The following HACE1 variants were observed in gnomAD, a reference collection of about 807,000 sequenced individuals.
HACE1 encodes the protein E3 ubiquitin-protein ligase HACE1.
A neutral mutation model predicts 118.4 loss-of-function variants in HACE1; 73 were observed. That is an observed-to-expected ratio of 0.62 (90% CI 0.51 to 0.75). HACE1 has a LOEUF of 0.75. Among genes scored for constraint, HACE1 ranks in the 30% least tolerant of loss-of-function variants. HACE1 has a pLI of 0.00. For missense variants in HACE1, 749 were observed against 1,102.2 expected (o/e 0.68, Z 4.54); for synonymous variants, 368 against 374.8 (o/e 0.98, Z 0.21).
At chr6:104,761,870 C>T (rs1779395910) in intron 19 of HACE1, among the ~76,000 whole-genome samples, 1 of 152,024 alleles carries the variant, frequency 6.6e-6, no homozygotes, top group Non-Finnish European at 1.5e-5. Context: ...CAAACAACCC[C>T]ATCAAAAAAT....
At position 104,771,099 on chromosome 6, in the gene HACE1, G is replaced by GT. The variant is rs1177251531; in HGVS notation, c.2211+93dup. 6 of 873,114 alleles carry GT rather than the reference G, an allele frequency of 6.9e-6. No homozygotes were observed. In the African/African-American group the frequency reaches 1.0e-4, roughly 15 times the overall value. The allele number at this position is 873,114 out of a possible 1,614,324, so 54.1% of individuals were successfully genotyped here. ...CTGCTATGATACTGTAATAGTAAAA[G>GT]TTTTTCTACAAGTGCCAGAAGAATT... On this transcript the variant is annotated intron_variant, in intron 19 of 23. Transcript: ENST00000262903.
chr6:104,777,112 T>C lies in HACE1; in HGVS notation c.1679-2A>G. 1 of 1,597,446 alleles carries C rather than the reference T, an allele frequency of 6.3e-7. No individual in the cohort carries two copies. The highest frequency in any genetic ancestry group is 8.6e-7 in the Non-Finnish European group (1 of 1,164,946). ...CACAGCTACTCCTAAAAATAGAATCTAAATATGTAGCATTGGTTAATTTTA... is the reference window on the plus strand; with the variant it reads ...CACAGCTACTCCTAAAAATAGAATCCAAATATGTAGCATTGGTTAATTTTA... On this transcript the variant is annotated splice_acceptor_variant, in intron 15 of 23. Transcript: ENST00000262903. LOFTEE classifies it high-confidence loss of function.
chr6:104,733,585 G>A (rs955470454), intron 22 of HACE1, among the ~76,000 whole-genome samples: 4 of 152,186 alleles, frequency 2.6e-5, no homozygotes, highest in Non-Finnish European at 5.9e-5. Flanking sequence ...AGGCGCGGTG[G>A]CTCACGCCTG....
intron 6 of HACE1, among the ~76,000 whole-genome samples, chr6:104,827,995 T>C (rs1297672500): frequency 1.3e-5 from 2 of 152,132 alleles, no homozygotes; most frequent in South Asian, 2.1e-4. Flanking sequence ...AATCCTGCCA[T>C]GTAATCTAAC....
chr6:104,765,034 T>C, intron 19 of HACE1, among the ~76,000 whole-genome samples: 1 of 152,240 alleles, frequency 6.6e-6, no homozygotes. Flanking sequence ...TAGCAGTCTA[T>C]GCAACAAAGT....
At chr6:104,831,988 A>AG (rs1582691838) in intron 6 of HACE1, among the ~76,000 whole-genome samples, 1 of 53,812 alleles carries the variant, frequency 1.9e-5, no homozygotes, top group Non-Finnish European at 4.5e-5. Flanking sequence ...GAGAGGAAGG[A>AG]AGGAAGGAAG....
At chr6:104,769,403 T>C (rs1780378459) in intron 19 of HACE1, among the ~76,000 whole-genome samples, 1 of 152,182 alleles carries the variant, frequency 6.6e-6, no homozygotes, top group Non-Finnish European at 1.5e-5. Context: ...ATCATGTTTA[T>C]GGTTCTCTTA....
intron 6 of HACE1, among the ~76,000 whole-genome samples, chr6:104,832,091 G>A (rs1191667743): frequency 6.6e-6 from 1 of 152,112 alleles, no homozygotes; most frequent in Non-Finnish European, 1.5e-5. Context: ...CACAATGCAA[G>A]TAGAAAAATA....
chr6:104,729,705 A>G lies in HACE1; in HGVS notation c.2687T>C (p.Leu896Pro). The G allele has an allele frequency of 3.1e-6, 5 of 1,593,432 alleles. No homozygotes were observed. The highest frequency in any genetic ancestry group is 4.3e-6 in the Non-Finnish European group (5 of 1,161,394). The change falls in exon 24 of 24, where the codon CTT (leucine) becomes CCT (proline). Residue 896 changes from leucine (L) to proline (P), a missense_variant. Around this residue, in one of 5 missense-constraint regions of HACE1, gnomAD observed 165 missense variants for 229.9 expected, o/e 0.72. Transcript: ENST00000262903. ...PSKEILKDRL[L>P]VALHCGSYGY... ...ATAGCTGCCACAATGTAGTGCCACAAGAAGTCTGTCCTTGAGTATTTCTTT... is the reference window on the plus strand; with the variant it reads ...ATAGCTGCCACAATGTAGTGCCACAGGAAGTCTGTCCTTGAGTATTTCTTT...
intron 20 of HACE1, 43 bp from the exon 21 acceptor site, chr6:104,744,653 A>G: frequency 8.8e-7 from 1 of 1,130,592 alleles, no homozygotes; most frequent in East Asian, 2.4e-5. Context: ...TTCTTTAGGG[A>G]AAAAAGTTAT....
At chr6:104,840,462 A>G (rs188855784) in intron 5 of HACE1, among the ~76,000 whole-genome samples, 165 of 152,316 alleles carry the variant, frequency 1.1e-3, no homozygotes, top group Non-Finnish European at 1.4e-3. Flanking sequence ...GGTGATACCT[A>G]AAACCAAAAA....
chr6:104,744,745 C>T (rs1269318223), intron 20 of HACE1, 135 bp from the exon 21 acceptor site: 2 of 650,388 alleles, frequency 3.1e-6, no homozygotes, highest in Non-Finnish European at 2.8e-6. Context: ...TCCTGCATGT[C>T]ATCAACAACA....
chr6:104,756,426 A>AAAT (rs373731009), intron 19 of HACE1, among the ~76,000 whole-genome samples: 13 of 105,952 alleles, frequency 1.2e-4, no homozygotes, highest in Non-Finnish European at 2.0e-4. Flanking sequence ...AAAAAAAAAA[A>AAAT]ATATATATAT....
intron 6 of HACE1, among the ~76,000 whole-genome samples, chr6:104,824,650 C>G (rs775345361): frequency 6.6e-6 from 1 of 152,150 alleles, no homozygotes; most frequent in African/African-American, 2.4e-5. Flanking sequence ...CTTTTAAAAT[C>G]CCTAAGGATT....
chr6:104,851,859 CAA>C (rs1776242171), intron 2 of HACE1, among the ~76,000 whole-genome samples: 1 of 152,058 alleles, frequency 6.6e-6, no homozygotes, highest in African/African-American at 2.4e-5. Flanking sequence ...CTCACAAAGC[CAA>C]ATAATTGTAT....
At chr6:104,751,726 T>C (rs996841944) in intron 19 of HACE1, among the ~76,000 whole-genome samples, 1 of 152,180 alleles carries the variant, frequency 6.6e-6, no homozygotes, top group Non-Finnish European at 1.5e-5. Flanking sequence ...AGTATGTGCC[T>C]GTATACACAT....
At chr6:104,803,929 T>C (rs112763559) in intron 7 of HACE1, among the ~76,000 whole-genome samples, 5 of 152,346 alleles carry the variant, frequency 3.3e-5, no homozygotes, top group African/African-American at 1.2e-4. Flanking sequence ...AAACTGTCCC[T>C]GTTTGCAGAT....
chr6:104,841,655 T>G (rs371673092), intron 5 of HACE1, among the ~76,000 whole-genome samples: 1 of 152,168 alleles, frequency 6.6e-6, no homozygotes, highest in East Asian at 1.9e-4. Context: ...ATTCCCCAAT[T>G]TTTAATCATA....
chr6:104,730,087 T>A (rs1446742004), intron 23 of HACE1, among the ~76,000 whole-genome samples: 1 of 152,124 alleles, frequency 6.6e-6, no homozygotes, highest in Non-Finnish European at 1.5e-5. Context: ...TGAACTATAG[T>A]CAATTAAATT....
Sources: allele counts gnomAD v4.1 joint callset (sites outside exome capture counted in the v4.1 genomes callset), GRCh38; gene constraint gnomAD v4.1.1; regional missense constraint gnomAD v4.1.1; transcripts MANE v1.5; gene names NCBI Gene and HGNC (gene_info 2026-07-23, HGNC 2026-07-21).